Variants in CDC42BPG observed in about 807,000 individuals in gnomAD.
CDC42BPG encodes serine/threonine-protein kinase MRCK gamma.
Under a neutral mutation model 192.2 loss-of-function variants are expected in CDC42BPG, and 157 were observed. The ratio of observed to expected loss-of-function variants is 0.82; its 90% CI spans 0.72 to 0.93. The LOEUF is 0.93. CDC42BPG is among the 40% of genes least tolerant of loss of function. The pLI is 0.00. For synonymous variants in CDC42BPG, 981 were observed against 918.5 expected (o/e 1.07, Z -1.23); for missense variants, 1,992 against 2,122.1 (o/e 0.94, Z 1.20).
chr11:64,829,650 C>T lies in CDC42BPG; in HGVS notation c.3788G>A (p.Gly1263Asp), dbSNP rs765353467. The change falls in exon 30 of 37, where the codon GGT becomes GAT. Residue 1263 changes from glycine to aspartate, a missense_variant. Physicochemically the swap from Gly to Asp is moderately conservative, Grantham distance 94. Transcript: ENST00000342711. Reference sequence around the variant, plus strand: ...TGGTGGCAGCTCCTCAGGCACCAAACCGGCCCCCAGCGCCAACGGCGCAGC... The same window carrying T: ...TGGTGGCAGCTCCTCAGGCACCAAATCGGCCCCCAGCGCCAACGGCGCAGC... ...NEAAPLALGAGLVPEELPPSR... is the reference protein window; with the variant it reads ...NEAAPLALGADLVPEELPPSR... 61 of 1,611,460 alleles carry T rather than the reference C, an allele frequency of 3.8e-5. No homozygotes were observed. The highest frequency in any genetic ancestry group is 4.3e-5 in the Non-Finnish European group (51 of 1,179,390).
intron 30 of CDC42BPG, among the ~76,000 whole-genome samples, chr11:64,828,583 G>A (rs1249710866): frequency 2.0e-5 from 3 of 152,242 alleles, no homozygotes. Context: ...CCAGCTCCAG[G>A]CCCTGAGCTG....
chr11:64,826,477 A>C lies in CDC42BPG; in HGVS notation c.4592T>G (p.Leu1531Arg), dbSNP rs1349263996. 1.4e-5 allele frequency: 23 copies of C among 1,597,188 alleles called. No individual in the cohort carries two copies. The highest frequency in any genetic ancestry group is 1.9e-5 in the Non-Finnish European group (22 of 1,171,372). ...PQGSLSPATS[L>R]MQVSERPRSL... Reference sequence around the variant, plus strand: ...CCTCCCGGACCCGCTCACCTGCATTAGGGAGGTTGCAGGGCTCAGCGATCC... The same window carrying C: ...CCTCCCGGACCCGCTCACCTGCATTCGGGAGGTTGCAGGGCTCAGCGATCC... Residue 1531 changes from leucine (L) to arginine (R), a missense_variant, in exon 36 of 37, where the codon CTA (leucine) becomes CGA (arginine). Leu to Arg is a moderately radical substitution (Grantham distance 102). Transcript: ENST00000342711.
At position 64,836,530 on chromosome 11, in the gene CDC42BPG, T is replaced by G. The variant is rs753082811; in HGVS notation, c.1385A>C (p.Glu462Ala). 16 of 1,612,714 alleles carry G rather than the reference T, an allele frequency of 9.9e-6. No individual in the cohort carries two copies. The highest frequency in any genetic ancestry group is 1.4e-5 in the Non-Finnish European group (16 of 1,179,646). Residue 462 changes from glutamate (E) to alanine (A), a missense_variant and splice_region_variant, in exon 12 of 37, where the codon GAG becomes GCG. Physicochemically the swap from Glu to Ala is moderately radical, Grantham distance 107. Transcript: ENST00000342711. ...CAATGAGGCCTTGTCCCTCAGCATC[T>G]CTGCCAGGAAGAGTCACTGAGACCT... The part of the protein sequence containing the change: ...EVQTLRDRLP[E>A]MLRDKASLSQ...
chr11:64,830,088 G>A lies in CDC42BPG; in HGVS notation c.3368-18C>T. Reference sequence around the variant, plus strand: ...GAAGATGTCTGCAGGGTTGGCGAGGGGAGAGTGTCACTGGCAGGTGGTTGA... The same window carrying A: ...GAAGATGTCTGCAGGGTTGGCGAGGAGAGAGTGTCACTGGCAGGTGGTTGA... On this transcript the variant is annotated intron_variant, in intron 29 of 36. Transcript: ENST00000342711. 6.2e-7 allele frequency: 1 copy of A among 1,612,310 alleles called. No individual in the cohort carries two copies. The highest frequency in any genetic ancestry group is 8.5e-7 in the Non-Finnish European group (1 of 1,179,474).
At position 64,832,513 on chromosome 11, in the gene CDC42BPG, G is replaced by A; in HGVS notation, c.3006-4C>T. Reference sequence around the variant, plus strand: ...GGTAGCCGAGAACTGGGGGTCCCTGGGAGGTTCACAGAACAGGTCAGAAAT... The same window carrying A: ...GGTAGCCGAGAACTGGGGGTCCCTGAGAGGTTCACAGAACAGGTCAGAAAT... On this transcript the variant is annotated splice_polypyrimidine_tract_variant and splice_region_variant and intron_variant, in intron 26 of 36. Transcript: ENST00000342711. 1.2e-6 allele frequency: 2 copies of A among 1,614,020 alleles called. No homozygotes were observed. Among genetic ancestry groups the A allele is most frequent in the Non-Finnish European group, 1.7e-6 (2 of 1,179,950 alleles).
Position 64,832,906 on chromosome 11 carries a change from C to T in CDC42BPG, c.2785G>A (p.Val929Met), listed in dbSNP as rs1302404886. The T allele has an allele frequency of 5.9e-6, 9 of 1,520,228 alleles. No homozygotes were observed. The highest frequency in any genetic ancestry group is 1.8e-4 in the Middle Eastern group (1 of 5,660). 94.2% of individuals were successfully genotyped at this position (1,520,228 alleles called of 1,614,324 possible). ...GCTGTGCGGAGGAGGTCAGGGGGCA[C>T]GGGGCAGGGTGGGGCCTGTGGGGCA... ...TCAPQAPPCP[V>M]PPDLLRTALG... Residue 929 changes from valine (V) to methionine (M), a missense_variant, in exon 25 of 37, where the codon GTG becomes ATG. By Grantham distance (21) the Val-to-Met change is conservative. Transcript: ENST00000342711.
At chr11:64,839,686 CTG>C in intron 5 of CDC42BPG, 115 bp from the exon 6 acceptor site, 1 of 804,056 alleles carries the variant, frequency 1.2e-6, no homozygotes. Context: ...ACACACATTC[CTG>C]TGTGTAGGTG....
chr11:64,836,408 C>A lies in CDC42BPG; in HGVS notation c.1488+19G>T, dbSNP rs1389013344. On this transcript the variant is annotated intron_variant, in intron 12 of 36. Coordinates refer to ENST00000342711, the MANE Select transcript of CDC42BPG (RefSeq NM_017525.3). ...TCACCCACCTCACCCAGCCCTCACC[C>A]ACCTCACCCAGCCCTCACCCGGTGA... The A allele has an allele frequency of 8.7e-6, 14 of 1,601,506 alleles. No individual in the cohort carries two copies. Among genetic ancestry groups the A allele is most frequent in the Non-Finnish European group, 1.2e-5 (14 of 1,169,080 alleles).
In CDC42BPG at chr11:64,836,954, TGCTCCAGACACTGGAGCTTCC is replaced by T. The variant is rs749666003; in HGVS notation, c.1250_1270del (p.Arg417_Glu423del). 1 of 1,613,478 alleles carries T rather than the reference TGCTCCAGACACTGGAGCTTCC, an allele frequency of 6.2e-7. No homozygotes were observed. The highest frequency in any genetic ancestry group is 8.5e-7 in the Non-Finnish European group (1 of 1,179,948). On this transcript the variant is annotated inframe_deletion, in exon 10 of 37. Transcript: ENST00000342711. Reference sequence around the variant, plus strand: ...CTTCCTGCTCAGCTCCACCTTCTCCTGCTCCAGACACTGGAGCTTCCGCTCCAGGGCAGCCCAAGCCTCAGA... The same window carrying T: ...CTTCCTGCTCAGCTCCACCTTCTCCTGCTCCAGGGCAGCCCAAGCCTCAGA...
Position 64,838,656 on chromosome 11 carries a change from G to A in CDC42BPG, c.1123C>T (p.Pro375Ser), listed in dbSNP as rs1304163951. ...FDVDDDTLNH[P>S]GTLPPPSHGA... is the part of the protein sequence containing the mutation. ...CTGCAGTGGCCTTTGCCACTCACTG[G>A]ATGGTTGAGGGTGTCGTCATCCACA... Residue 375 changes from proline (P) to serine (S), a missense_variant and splice_region_variant, in exon 8 of 37, where the codon CCA becomes TCA. This residue lies in a region of CDC42BPG where 1,656 missense variants were observed against 1,844.3 expected (regional missense o/e 0.90). Coordinates refer to ENST00000342711, the MANE Select transcript of CDC42BPG (RefSeq NM_017525.3). 1.9e-6 allele frequency: 3 copies of A among 1,612,300 alleles called. No homozygotes were observed. The highest frequency in any genetic ancestry group is 2.5e-6 in the Non-Finnish European group (3 of 1,179,208).
intron 36 of CDC42BPG, among the ~76,000 whole-genome samples, chr11:64,825,583 A>T (rs1324878389): frequency 6.6e-6 from 1 of 152,184 alleles, no homozygotes. Flanking sequence ...GTGGAAGAAC[A>T]TGGCAAGCCC....
Position 64,836,774 on chromosome 11 carries a change from C to A in CDC42BPG, c.1349G>T (p.Arg450Leu). The A allele has an allele frequency of 6.3e-7, 1 of 1,579,024 alleles. No homozygotes were observed. The highest frequency in any genetic ancestry group is 8.6e-7 in the Non-Finnish European group (1 of 1,165,124). ...PTDHRELEQL[R>L]KEVQTLRDRL... ...GTCCCGCAGAGTCTGCACTTCCTTCCGTAGCTGCTCCAGCTCCCGATGGTC... is the reference window on the plus strand; with the variant it reads ...GTCCCGCAGAGTCTGCACTTCCTTCAGTAGCTGCTCCAGCTCCCGATGGTC... The change falls in exon 11 of 37, where the codon CGG becomes CTG. Residue 450 changes from arginine to leucine, a missense_variant. Physicochemically the swap from Arg to Leu is moderately radical, Grantham distance 102. Transcript: ENST00000342711.
In CDC42BPG at chr11:64,827,086, AG is replaced by A; in HGVS notation, c.4352del (p.Pro1451LeufsTer55). On this transcript the variant is annotated frameshift_variant, in exon 34 of 37. Coordinates refer to ENST00000342711, the MANE Select transcript of CDC42BPG (RefSeq NM_017525.3). LOFTEE classifies it high-confidence loss of function. ...CCCTGGCGCCGGGCCGCCCGTTGGCAGGGCCCACGTGTACTAGGTGGTTGAA... is the reference window on the plus strand; with the variant it reads ...CCCTGGCGCCGGGCCGCCCGTTGGCAGGCCCACGTGTACTAGGTGGTTGAA... ...TNFNHLVHVG[P>X]ANGRPGARDK... 6.2e-7 allele frequency: 1 copy of A among 1,612,744 alleles called. No individual in the cohort carries two copies. The highest frequency in any genetic ancestry group is 2.2e-5 in the East Asian group (1 of 44,870).
Position 64,836,490 on chromosome 11 carries a change from C to T in CDC42BPG, c.1425G>A (p.Gly475=). The T allele has an allele frequency of 6.2e-7, 1 of 1,613,538 alleles. No homozygotes were observed. Among genetic ancestry groups the T allele is most frequent in the South Asian group, 1.1e-5 (1 of 91,086 alleles). Residue 475 remains glycine (G), a synonymous_variant, in exon 12 of 37, where the codon GGG becomes GGA. Transcript: ENST00000342711. ...RDKASLSQTD[G]PPAGSPGQDS... Reference sequence around the variant, plus strand: ...CCTGACCTGGGCTACCAGCTGGGGGCCCATCCGTCTGGGACAATGAGGCCT... The same window carrying T: ...CCTGACCTGGGCTACCAGCTGGGGGTCCATCCGTCTGGGACAATGAGGCCT...
intron 27 of CDC42BPG, among the ~76,000 whole-genome samples, 179 bp downstream of exon 27, chr11:64,832,249 C>T (rs886576852): frequency 2.0e-5 from 3 of 152,198 alleles, no homozygotes; most frequent in Non-Finnish European, 1.5e-5. Context: ...GCCCCGCAGA[C>T]GATGGGAAGC....
rs766907086 is a variant in CDC42BPG at position 64,827,540 on chromosome 11, C to T, written c.4137G>A (p.Arg1379=). The change falls in exon 32 of 37, where the codon AGG becomes AGA. Residue 1379 remains arginine (R), a synonymous_variant. Transcript: ENST00000342711. ...GTEKVRLTYL[R]NQLAEKDEFD... ...GCACTCCCTCACCTGCCAGCTGGTT[C>T]CTGAGGTAGGTCAGGCGGACCTTCT... 1.9e-6 allele frequency: 3 copies of T among 1,612,408 alleles called. No individual in the cohort carries two copies. The African/African-American group carries it at 4.0e-5, about 22-fold the overall frequency.
chr11:64,836,721 G>GGA lies in CDC42BPG; in HGVS notation c.1384+17_1384+18insTC. The GGA allele has an allele frequency of 1.2e-6, 1 of 857,202 alleles. No homozygotes were observed. Among genetic ancestry groups the GGA allele is most frequent in the Non-Finnish European group, 1.7e-6 (1 of 595,164 alleles). 53.1% of individuals were successfully genotyped at this position (857,202 alleles called of 1,614,324 possible). ...GACTCAGCCCTGGGGGGGGGGGGGGGGTGGGCGGAAGGGATACCTGGCAGC... is the reference window on the plus strand; with the variant it reads ...GACTCAGCCCTGGGGGGGGGGGGGGGGAGTGGGCGGAAGGGATACCTGGCAGC... On this transcript the variant is annotated intron_variant, in intron 11 of 36. Coordinates refer to ENST00000342711, the MANE Select transcript of CDC42BPG (RefSeq NM_017525.3).
At chr11:64,835,248 T>C (rs1046276987) in intron 16 of CDC42BPG, 95 bp from the exon 17 acceptor site, 27 of 1,607,392 alleles carry the variant, frequency 1.7e-5, no homozygotes, top group Non-Finnish European at 2.3e-5. Flanking sequence ...GCCCCGTCCA[T>C]GTCCACCCTG....
At chr11:64,828,105 T>G (rs1045579437) in intron 30 of CDC42BPG, among the ~76,000 whole-genome samples, 1 of 152,180 alleles carries the variant, frequency 6.6e-6, no homozygotes, top group Admixed American at 6.5e-5. Flanking sequence ...GTCAGGTCAC[T>G]CAGCTGGTCC....
Sources: allele counts gnomAD v4.1 joint callset (sites outside exome capture counted in the v4.1 genomes callset), GRCh38; gene constraint gnomAD v4.1.1; regional missense constraint gnomAD v4.1.1; transcripts MANE v1.5; gene names NCBI Gene and HGNC (gene_info 2026-07-23, HGNC 2026-07-21).